CIITA: variants seen among roughly 807,000 people sequenced by gnomAD.
CIITA encodes the protein MHC class II transactivator.
Under a neutral mutation model 115.1 loss-of-function variants are expected in CIITA, and 72 were observed. The ratio of observed to expected loss-of-function variants is 0.63; its 90% CI spans 0.52 to 0.76. The LOEUF (loss-of-function observed/expected upper bound fraction) is 0.76. Ranked by LOEUF, CIITA falls within the 30% of genes least tolerant of loss-of-function variation. CIITA has a pLI of 0.00. For synonymous variants in CIITA, 763 were observed against 635.6 expected, an observed-to-expected ratio of 1.20 and a Z score of -3.02; for missense variants, 1,617 against 1,463.8, an observed-to-expected ratio of 1.10 and a Z score of -1.71.
intron 3 of CIITA, among the ~76,000 whole-genome samples, chr16:10,895,972 TAATGA>T (rs2038087572): frequency 6.6e-6 from 1 of 151,930 alleles, no homozygotes. Flanking sequence ...GCCCCTTCAC[TAATGA>T]CCACCAAGAA....
chr16:10,902,771 ACAGGGGTCTC>A lies in CIITA; in HGVS notation c.746_755del (p.Gly249ValfsTer54). 1 of 1,614,216 alleles carries A rather than the reference ACAGGGGTCTC, an allele frequency of 6.2e-7. No individual in the cohort carries two copies. Among genetic ancestry groups the A allele is most frequent in the Non-Finnish European group, 8.5e-7 (1 of 1,180,036 alleles). ...GCTCTGGCAAATCTCTGAGGCTGGA[ACAGGGGTCTC>A]CAGTATATTCATCTACCATGGTGAG... On this transcript the variant is annotated frameshift_variant, in exon 8 of 20. Transcript: ENST00000324288. LOFTEE classifies it high-confidence loss of function.
chr16:10,903,692 A>G (rs770379196), intron 8 of CIITA, 39 bp from the exon 9 acceptor site: 1 of 1,612,332 alleles, frequency 6.2e-7, no homozygotes, highest in South Asian at 1.1e-5. Context: ...TGGAATCAAT[A>G]CCTGGTTATT....
At chr16:10,886,627 G>A (rs755503802) in intron 1 of CIITA, among the ~76,000 whole-genome samples, 25 of 152,234 alleles carry the variant, frequency 1.6e-4, no homozygotes, top group Admixed American at 2.0e-4. Context: ...GCATTTCCCA[G>A]ATGTCTAACT....
rs914163492 is a variant in CIITA, at chr16:10,933,268, A to C, written c.*9413A>C. On this transcript the variant is annotated 3_prime_UTR_variant, in exon 20 of 20. Transcript: ENST00000324288. ...GGGTGCTAGATCCCCTTCGTGAAGC[A>C]ATGTCTTAGCTCAGTAACTCTGCAG... 1.3e-5 allele frequency: 2 copies of C among 152,276 alleles called. No homozygotes were observed. The highest frequency in any genetic ancestry group is 2.4e-5 in the African/African-American group (1 of 41,454). The allele number at this position is 152,276 out of a possible 1,614,324, so 9.4% of individuals were successfully genotyped here.
rs903542088 is a variant in CIITA, at chr16:10,915,572, TG to T, written c.2894del (p.Gly965AlafsTer30). ...TACCCTTGCTCTTTGCCTCCTAGGC[TG>T]GGCCCTGTCTCAGGCCCCCAGGCTT... ...VRDLKKLEFALGPVSGPQAFP... is the reference protein window; with the variant it reads ...VRDLKKLEFAXGPVSGPQAFP... On this transcript the variant is annotated frameshift_variant, in exon 14 of 20. Coordinates refer to ENST00000324288, the MANE Select transcript of CIITA (RefSeq NM_000246.4). LOFTEE classifies it high-confidence loss of function. 1 of 1,613,618 alleles carries T rather than the reference TG, an allele frequency of 6.2e-7. No individual in the cohort carries two copies. Among genetic ancestry groups the T allele is most frequent in the Non-Finnish European group, 8.5e-7 (1 of 1,179,628 alleles).
intron 1 of CIITA, among the ~76,000 whole-genome samples, chr16:10,884,321 G>A (rs956507312): frequency 2.6e-5 from 4 of 152,320 alleles, no homozygotes; most frequent in East Asian, 3.9e-4. Context: ...TGCTGGAATT[G>A]GGATGGCAAA....
chr16:10,916,018 C>A (rs984686141), intron 14 of CIITA, among the ~76,000 whole-genome samples: 1 of 152,240 alleles, frequency 6.6e-6, no homozygotes, highest in Non-Finnish European at 1.5e-5. Context: ...TCCTCACAAC[C>A]TCATTTGCTG....
chr16:10,904,509 C>A (rs1397718301), intron 9 of CIITA, among the ~76,000 whole-genome samples: 1 of 152,234 alleles, frequency 6.6e-6, no homozygotes, highest in Non-Finnish European at 1.5e-5. Context: ...GTGTGAGCCA[C>A]TGCACCCAGC....
In CIITA at chr16:10,901,392, T is replaced by C; in HGVS notation, c.437-122T>C. On this transcript the variant is annotated intron_variant, in intron 5 of 19. Coordinates refer to ENST00000324288, the MANE Select transcript of CIITA (RefSeq NM_000246.4). This position sits in a 1 kb window ranked among gnomAD's most constrained non-coding sequence, Gnocchi z 6.8. ...GAATGTTAGAGCGAGGGGAGGAAAA[T>C]GGACCCCCAAGACCACTACCCAGCC... The C allele has an allele frequency of 9.8e-7, 1 of 1,016,854 alleles. No homozygotes were observed. The allele number at this position is 1,016,854 out of a possible 1,614,324, so 63.0% of individuals were successfully genotyped here.
rs2040187921 is a variant in CIITA, at chr16:10,920,073, G to T, written c.3149+1547G>T. ...GTCAGAAGGGCCACTGTGGCTGTGT[G>T]TAGTGAATGAGGGACAGAGGCTGGG... On this transcript the variant is annotated intron_variant, in intron 16 of 19. Coordinates refer to ENST00000324288, the MANE Select transcript of CIITA (RefSeq NM_000246.4). This position sits in a 1 kb window ranked among gnomAD's most constrained non-coding sequence, Gnocchi z 4.5. Among the ~76,000 whole-genome samples the T allele has an allele frequency of 6.6e-6, 1 of 152,120 alleles. No homozygotes were observed. The highest frequency in any genetic ancestry group is 1.5e-5 in the Non-Finnish European group (1 of 68,024).
intron 10 of CIITA, 50 bp from the exon 11 acceptor site, chr16:10,906,449 G>C (rs2144689565): frequency 2.5e-6 from 4 of 1,598,190 alleles, no homozygotes; most frequent in East Asian, 4.5e-5. Flanking sequence ...GGCTGGCCCT[G>C]GCCCTGCCTC....
intron 1 of CIITA, among the ~76,000 whole-genome samples, chr16:10,882,627 G>C (rs1383651579): frequency 6.6e-6 from 1 of 151,990 alleles, no homozygotes; most frequent in Non-Finnish European, 1.5e-5. Flanking sequence ...GCCGGGCATG[G>C]TGGCTCACAC....
At chr16:10,910,039 C>CTT (rs71136604) in intron 12 of CIITA, 149 bp from the exon 13 acceptor site, 740 of 622,842 alleles carry the variant, frequency 1.2e-3, no homozygotes, top group Admixed American at 1.4e-3. Flanking sequence ...CCAGACAGAT[C>CTT]TTTTTTTTTA....
intron 1 of CIITA, among the ~76,000 whole-genome samples, chr16:10,887,720 C>G (rs1397504956): frequency 1.3e-5 from 2 of 152,110 alleles, no homozygotes; most frequent in African/African-American, 2.4e-5. Flanking sequence ...GTCTTGAACT[C>G]CTGACCTCAA....
At chr16:10,915,748 TC>T in intron 14 of CIITA, 98 bp downstream of exon 14, 1 of 1,087,368 alleles carries the variant, frequency 9.2e-7, no homozygotes. Context: ...CAAGTAGTCC[TC>T]CTGCCTCAGC....
chr16:10,881,340 G>A (rs753012682), intron 1 of CIITA, among the ~76,000 whole-genome samples: 1 of 152,112 alleles, frequency 6.6e-6, no homozygotes, highest in Non-Finnish European at 1.5e-5. Flanking sequence ...GGAAAGCATA[G>A]GCAGATGGGA....
chr16:10,917,852 G>A (rs11074939), intron 15 of CIITA, among the ~76,000 whole-genome samples: 34,754 of 152,114 alleles, frequency 0.23, 4,621 homozygotes, highest in South Asian at 0.36. Flanking sequence ...AAGGTCTTAG[G>A]ATGGCCAAAT....
chr16:10,906,315 A>C (rs1261833883), intron 10 of CIITA, among the ~76,000 whole-genome samples, 184 bp from the exon 11 acceptor site: 1 of 152,186 alleles, frequency 6.6e-6, no homozygotes, highest in Admixed American at 6.5e-5. Flanking sequence ...AGCTGTGATC[A>C]CACCACTGCA....
rs1456805791 is a variant in CIITA, at chr16:10,907,193, C to T, written c.1701C>T (p.Ser567=). 6.2e-7 allele frequency: 1 copy of T among 1,613,382 alleles called. No individual in the cohort carries two copies. Among genetic ancestry groups the T allele is most frequent in the South Asian group, 1.1e-5 (1 of 91,054 alleles). ...LSKADALFEL[S]GFSMEQAQAY... Reference sequence around the variant, plus strand: ...AGGCCGACGCCCTATTTGAGCTGTCCGGCTTCTCCATGGAGCAGGCCCAGG... The same window carrying T: ...AGGCCGACGCCCTATTTGAGCTGTCTGGCTTCTCCATGGAGCAGGCCCAGG... Residue 567 remains serine (S), a synonymous_variant, in exon 11 of 20, where the codon TCC becomes TCT. Transcript: ENST00000324288. The surrounding 1 kb of genome is among the most constrained non-coding windows in gnomAD (Gnocchi z 5.0).
Sources: gnomAD v4.1 joint callset for allele counts (sites outside exome capture counted in the v4.1 genomes callset) on GRCh38, gnomAD v4.1.1 for gene constraint, Gnocchi (gnomAD v3.1) non-coding constraint, MANE v1.5 for transcripts, NCBI Gene and HGNC (gene_info 2026-07-23, HGNC 2026-07-21) for gene names.